The following SLC8A1 variants were observed in gnomAD, a reference collection of about 807,000 sequenced individuals.
The protein encoded by SLC8A1 is sodium/calcium exchanger 1.
SLC8A1 carries 18 observed loss-of-function variants against 68.3 expected under a neutral mutation model. That is an observed-to-expected ratio of 0.26 (90% confidence interval 0.18 to 0.39). The LOEUF (loss-of-function observed/expected upper bound fraction) is 0.39. Ranked by LOEUF, SLC8A1 falls within the 10% of genes least tolerant of loss-of-function variation. The probability of loss-of-function intolerance (pLI) is 1.00; values close to 1 mark genes in which losing one functional copy is unlikely to be tolerated. For synonymous variants in SLC8A1, 475 were observed against 415.5 expected (o/e 1.14, Z -1.74); for missense variants, 985 against 1,156.7 (o/e 0.85, Z 2.15).
chr2:40,430,258 C>G lies in SLC8A1; in HGVS notation c.23G>C (p.Ser8Thr), dbSNP rs199547343. Residue 8 changes from serine to threonine, a missense_variant, in exon 2 of 8, where the codon AGT (serine) becomes ACT (threonine). Coordinates refer to ENST00000406785, the Ensembl canonical transcript of SLC8A1. Reference sequence around the variant, plus strand: ...TCCCATTGAAAAGGTGGGTGAAAGACTTAATCGCCGCATGTTGTACATGAC... The same window carrying G: ...TCCCATTGAAAAGGTGGGTGAAAGAGTTAATCGCCGCATGTTGTACATGAC... 2.9e-5 allele frequency: 47 copies of G among 1,612,134 alleles called. No homozygotes were observed. The East Asian group carries it at 1.0e-3, about 34-fold the overall frequency.
In SLC8A1 at chr2:40,387,936, C is replaced by CAAA. The variant is rs57394425; in HGVS notation, c.1808+40534_1808+40536dup. On this transcript the variant is annotated intron_variant, in intron 2 of 7. Coordinates refer to ENST00000406785, the Ensembl canonical transcript of SLC8A1. ...TGGGCTACAGAAAGAGAGACTGCCT[C>CAAA]AAAAAAAAAAAAAAAAAAAAAAAGA... 2.3e-3 allele frequency among the ~76,000 whole-genome samples: 208 copies of CAAA among 90,866 alleles called. 3 individuals carry two copies. Among genetic ancestry groups the CAAA allele is most frequent in the African/African-American group, 7.5e-3 (156 of 20,934 alleles). The allele number at this position is 90,866 out of a possible 152,430, so 59.6% of individuals were successfully genotyped here. A position where few individuals can be genotyped will look rare whatever the true frequency, so the allele number is the denominator to read the frequency against.
intron 2 of SLC8A1, among the ~76,000 whole-genome samples, chr2:40,289,622 G>A (rs1238762280): frequency 5.9e-5 from 9 of 151,942 alleles, no homozygotes; most frequent in African/African-American, 1.7e-4. Flanking sequence ...AGGCTGAGGC[G>A]GGCAGATCAC....
At chr2:40,193,911 A>T (rs1170331364) in intron 2 of SLC8A1, among the ~76,000 whole-genome samples, 3 of 152,122 alleles carry the variant, frequency 2.0e-5, no homozygotes, top group Non-Finnish European at 4.4e-5. Flanking sequence ...GTCAAAGCTG[A>T]ATAAATAAAG....
intron 2 of SLC8A1, chr2:40,250,903 T>A (rs1309041514): frequency 6.6e-6 from 1 of 152,146 alleles, no homozygotes; most frequent in Non-Finnish European, 1.5e-5. Context: ...ATCACAATAC[T>A]AAGGAGGGTC....
At chr2:40,243,263 C>T (rs945290753) in intron 2 of SLC8A1, among the ~76,000 whole-genome samples, 3 of 152,138 alleles carry the variant, frequency 2.0e-5, no homozygotes, top group African/African-American at 4.8e-5. Context: ...GGGTGGATTG[C>T]TTGAGCCTCA....
intron 2 of SLC8A1, among the ~76,000 whole-genome samples, chr2:40,210,252 A>G (rs938451795): frequency 6.6e-6 from 1 of 152,166 alleles, no homozygotes; most frequent in African/African-American, 2.4e-5. Context: ...CTATAAGAGA[A>G]GGGTATGAAG....
chr2:40,336,771 GA>G (rs1015802932), intron 2 of SLC8A1, among the ~76,000 whole-genome samples: 3 of 151,714 alleles, frequency 2.0e-5, no homozygotes, highest in Non-Finnish European at 4.4e-5. Flanking sequence ...CTTTTTTCAT[GA>G]AAAAAATAAT....
At chr2:40,317,401 G>C (rs1449099255) in intron 2 of SLC8A1, among the ~76,000 whole-genome samples, 3 of 151,972 alleles carry the variant, frequency 2.0e-5, no homozygotes, top group Non-Finnish European at 4.4e-5. Flanking sequence ...GAAAAATTCT[G>C]ACTCATGTCA....
chr2:40,352,645 T>C (rs1671447304), intron 2 of SLC8A1, among the ~76,000 whole-genome samples: 1 of 152,182 alleles, frequency 6.6e-6, no homozygotes. Flanking sequence ...TTGAAGAGGA[T>C]TTCTATGTGT....
intron 2 of SLC8A1, among the ~76,000 whole-genome samples, chr2:40,372,401 A>G (rs1020025198): frequency 6.6e-6 from 1 of 152,114 alleles, no homozygotes; most frequent in African/African-American, 2.4e-5. Flanking sequence ...TACACGTGAC[A>G]CTTTCCTTTT....
intron 2 of SLC8A1, among the ~76,000 whole-genome samples, chr2:40,222,624 C>G (rs954917848): frequency 6.6e-6 from 1 of 152,162 alleles, no homozygotes; most frequent in Non-Finnish European, 1.5e-5. Flanking sequence ...ATCTATCCAT[C>G]TGACAAAGGG....
intron 2 of SLC8A1, among the ~76,000 whole-genome samples, chr2:40,193,343 G>A (rs2052262915): frequency 6.6e-6 from 1 of 152,080 alleles, no homozygotes; most frequent in African/African-American, 2.4e-5. Context: ...TTTTGTGACT[G>A]GCCCACATTA....
intron 1 of SLC8A1, among the ~76,000 whole-genome samples, chr2:40,497,463 A>AG (rs975993371): frequency 6.6e-6 from 1 of 152,056 alleles, no homozygotes; most frequent in African/African-American, 2.4e-5. Flanking sequence ...AGATATCCAC[A>AG]GGGGGCAGTG....
intron 2 of SLC8A1, among the ~76,000 whole-genome samples, chr2:40,209,409 G>A (rs1011730345): frequency 1.3e-5 from 2 of 152,148 alleles, no homozygotes; most frequent in African/African-American, 4.8e-5. Flanking sequence ...GATCCTGGAG[G>A]AAAGGTGAGA....
chr2:40,178,624 G>T, intron 2 of SLC8A1, 131 bp from the exon 3 acceptor site: 1 of 728,866 alleles, frequency 1.4e-6, no homozygotes, highest in Non-Finnish European at 2.3e-6. Context: ...TCTGTACTGT[G>T]AGTTTTTTCT....
chr2:40,460,028 G>T (rs547165930), intron 1 of SLC8A1, among the ~76,000 whole-genome samples: 77 of 103,034 alleles, frequency 7.5e-4, no homozygotes, highest in Non-Finnish European at 3.9e-4. Context: ...CGTCAATGGT[G>T]TCAATGGTGT....
chr2:40,215,499 C>T (rs980284491), intron 2 of SLC8A1, among the ~76,000 whole-genome samples: 4 of 151,558 alleles, frequency 2.6e-5, no homozygotes, highest in Non-Finnish European at 4.4e-5. Flanking sequence ...TAGCCGGGCA[C>T]GGTGGCGGGC....
chr2:40,208,605 A>G (rs1300365405), intron 2 of SLC8A1, among the ~76,000 whole-genome samples: 6 of 152,272 alleles, frequency 3.9e-5, no homozygotes, highest in Admixed American at 3.3e-4. Context: ...AAAATTATAT[A>G]GAGGGTAATG....
At chr2:40,236,732 C>T (rs1227004249) in intron 2 of SLC8A1, among the ~76,000 whole-genome samples, 1 of 152,178 alleles carries the variant, frequency 6.6e-6, no homozygotes, top group Non-Finnish European at 1.5e-5. Context: ...TTTGCAGCCG[C>T]TGGTACTGGT....
Sources: gnomAD v4.1 joint callset for allele counts (sites outside exome capture counted in the v4.1 genomes callset) on GRCh38, gnomAD v4.1.1 for gene constraint, MANE v1.5 for transcripts, NCBI Gene and HGNC (gene_info 2026-07-23, HGNC 2026-07-21) for gene names.